Variants in TLN1 observed in about 807,000 individuals in gnomAD.
The protein encoded by TLN1 is talin 1, also known as talin-1.
TLN1 carries 56 observed loss-of-function variants against 292.3 expected under a neutral mutation model. The ratio of observed to expected loss-of-function variants is 0.19; its 90% CI spans 0.15 to 0.24. The LOEUF is 0.24. Ranked by LOEUF, TLN1 falls within the 10% of genes least tolerant of loss-of-function variation. TLN1 has a pLI of 1.00. For synonymous variants in TLN1, 1,119 were observed against 1,253.7 expected (o/e 0.89, Z 2.27); for missense variants, 2,433 against 3,248.2 (o/e 0.75, Z 6.10).
rs1563945516 is a variant in TLN1 at position 35,719,310 on chromosome 9, TGA to T, written c.1688-30_1688-29del. ...AAGGGGAAAAGGAGAAAGAGGAACATGAGAGACAGGGCAGGCCAGACGAAGGG... is the reference window on the plus strand; with the variant it reads ...AAGGGGAAAAGGAGAAAGAGGAACATGAGACAGGGCAGGCCAGACGAAGGG... On this transcript the variant is annotated intron_variant, in intron 15 of 56. Coordinates refer to ENST00000314888, the MANE Select transcript of TLN1 (RefSeq NM_006289.4). The surrounding 1 kb of genome is among the most constrained non-coding windows in gnomAD (Gnocchi z 4.6). The T allele has an allele frequency of 1.2e-6, 2 of 1,602,350 alleles. No individual in the cohort carries two copies. Among genetic ancestry groups the T allele is most frequent in the Non-Finnish European group, 8.5e-7 (1 of 1,172,020 alleles).
chr9:35,720,791 G>C lies in TLN1; in HGVS notation c.1206+21C>G, dbSNP rs757867773. 1.9e-6 allele frequency: 3 copies of C among 1,607,806 alleles called. No individual in the cohort carries two copies. In the East Asian group the frequency reaches 6.7e-5, roughly 36 times the overall value. ...GAGGGCAAGAGGCGATAAGGAGAAG[G>C]CTAGGGCAGGCAGTGCTCACCTTCT... On this transcript the variant is annotated intron_variant, in intron 11 of 56. Transcript: ENST00000314888.
chr9:35,708,386 C>T lies in TLN1; in HGVS notation c.4425G>A (p.Gln1475=), dbSNP rs1299608524. 4 of 1,611,200 alleles carry T rather than the reference C, an allele frequency of 2.5e-6. No homozygotes were observed. Among genetic ancestry groups the T allele is most frequent in the Non-Finnish European group, 3.4e-6 (4 of 1,178,510 alleles). ...GCTCTCCCAAACTCTGGCAGGCCAT[C>T]TGAATTGCCTGGTTTGCACGGGCAA... ...TQFARANQAI[Q]MACQSLGEPG... Residue 1475 remains glutamine, a synonymous_variant, in exon 34 of 57, where the codon CAG becomes CAA. Transcript: ENST00000314888.
intron 10 of TLN1, 53 bp downstream of exon 10, chr9:35,721,595 G>T (rs952664885): frequency 6.3e-7 from 1 of 1,582,972 alleles, no homozygotes; most frequent in African/African-American, 1.3e-5. Context: ...CTCTGCAGCT[G>T]CCCCTTTAAT....
intron 33 of TLN1, 75 bp downstream of exon 33, chr9:35,710,486 C>A (rs1825647985): frequency 1.3e-6 from 2 of 1,550,018 alleles, no homozygotes; most frequent in African/African-American, 2.7e-5. Context: ...GATTTATCTA[C>A]AGGTATGTCA....
Position 35,711,378 on chromosome 9 carries a change from G to A in TLN1, c.3896C>T (p.Ala1299Val), listed in dbSNP as rs1479414054. 1.2e-6 allele frequency: 2 copies of A among 1,614,082 alleles called. No individual in the cohort carries two copies. The highest frequency in any genetic ancestry group is 1.7e-5 in the Admixed American group (1 of 60,004). ...GCCCTTCAAGTTGGACACAACTTGGGCTCGGTCCTCCTGGCTCTGTTGAAG... is the reference window on the plus strand; with the variant it reads ...GCCCTTCAAGTTGGACACAACTTGGACTCGGTCCTCCTGGCTCTGTTGAAG... ...AGQAPSQEDR[A>V]QVVSNLKGIS... The change falls in exon 30 of 57, where the codon GCC becomes GTC. Residue 1299 changes from alanine to valine, a missense_variant. Around this residue, in one of 7 missense-constraint regions of TLN1, gnomAD observed 1,384 missense variants for 1,699.6 expected, o/e 0.81. Coordinates refer to ENST00000314888, the MANE Select transcript of TLN1 (RefSeq NM_006289.4).
At position 35,711,727 on chromosome 9, in the gene TLN1, C is replaced by G. The variant is rs2131892919; in HGVS notation, c.3747G>C (p.Leu1249=). The G allele has an allele frequency of 1.2e-6, 2 of 1,614,154 alleles. No individual in the cohort carries two copies. The highest frequency in any genetic ancestry group is 1.7e-6 in the Non-Finnish European group (2 of 1,180,036). ...QSRLNEAAAG[L]NQAATELVQA... is the part of the protein sequence containing the mutation. ...GCACCAGTTCTGTGGCTGCCTGATTCAGCCCAGCAGCAGCTTCATTCAACC... is the reference window on the plus strand; with the variant it reads ...GCACCAGTTCTGTGGCTGCCTGATTGAGCCCAGCAGCAGCTTCATTCAACC... The change falls in exon 29 of 57, where the codon CTG becomes CTC. Residue 1249 remains leucine (L), a synonymous_variant. Coordinates refer to ENST00000314888, the MANE Select transcript of TLN1 (RefSeq NM_006289.4).
chr9:35,725,378 C>T, intron 2 of TLN1, 57 bp from the exon 3 acceptor site: 5 of 1,579,370 alleles, frequency 3.2e-6, no homozygotes, highest in Middle Eastern at 1.7e-4. Flanking sequence ...GGCTGAACAG[C>T]TTGTACCATG....
At chr9:35,712,721 C>G (rs1825697246) in intron 27 of TLN1, 114 bp downstream of exon 27, 1 of 878,378 alleles carries the variant, frequency 1.1e-6, no homozygotes, top group African/African-American at 1.7e-5. Context: ...AGAGCAGACC[C>G]AAGAAGACAT....
intron 43 of TLN1, among the ~76,000 whole-genome samples, chr9:35,705,055 A>G (rs1825541272): frequency 6.6e-6 from 1 of 152,202 alleles, no homozygotes. Context: ...TGTTAAGCAC[A>G]GTGGGGAGAA....
chr9:35,710,154 C>T (rs540985889), intron 33 of TLN1, among the ~76,000 whole-genome samples: 5 of 135,358 alleles, frequency 3.7e-5, no homozygotes, highest in South Asian at 2.4e-4. Context: ...ACCCGGGAGG[C>T]GGAGCTTGCA....
Position 35,706,651 on chromosome 9 carries a change from C to T in TLN1, c.5089-100G>A, listed in dbSNP as rs1825570476. 2.5e-6 allele frequency: 4 copies of T among 1,581,586 alleles called. No individual in the cohort carries two copies. The highest frequency in any genetic ancestry group is 3.4e-4 in the Middle Eastern group (2 of 5,946). ...GTCCATACCAAATACCCTAACCCTC[C>T]TTCGCACATCCCAGCCTTTGATGTC... On this transcript the variant is annotated intron_variant, in intron 38 of 56. Coordinates refer to ENST00000314888, the MANE Select transcript of TLN1 (RefSeq NM_006289.4). The surrounding 1 kb of genome is among the most constrained non-coding windows in gnomAD (Gnocchi z 4.2).
chr9:35,701,071 G>A (rs1041201116), intron 48 of TLN1, among the ~76,000 whole-genome samples: 1 of 152,192 alleles, frequency 6.6e-6, no homozygotes, highest in Non-Finnish European at 1.5e-5. Context: ...TCTCTGAGGA[G>A]GTGACATTGA....
intron 7 of TLN1, chr9:35,723,568 G>A (rs1825915922): frequency 4.3e-6 from 1 of 233,012 alleles, no homozygotes; most frequent in South Asian, 4.9e-5. Flanking sequence ...TTAGGAAGCT[G>A]AGAAAGCCAC....
intron 8 of TLN1, 101 bp from the exon 9 acceptor site, chr9:35,722,324 T>C (rs1406103297): frequency 9.6e-7 from 1 of 1,043,330 alleles, no homozygotes; most frequent in Non-Finnish European, 1.5e-6. Context: ...ATGGGGACAC[T>C]GGAAAGGTTG....
rs1334806254 is a variant in TLN1, at chr9:35,707,525, C to T, written c.4633-37G>A. 6.2e-7 allele frequency: 1 copy of T among 1,610,652 alleles called. No individual in the cohort carries two copies. The highest frequency in any genetic ancestry group is 8.5e-7 in the Non-Finnish European group (1 of 1,177,876). ...AGAGAGGCTCTCAGGACTTGGGATG[C>T]AGTCATAGGGGGTATAGGAAGTGAA... On this transcript the variant is annotated intron_variant, in intron 35 of 56. Transcript: ENST00000314888. The surrounding 1 kb of genome is among the most constrained non-coding windows in gnomAD (Gnocchi z 5.6).
Position 35,725,134 on chromosome 9 carries a change from G to A in TLN1, c.228+90C>T. Reference sequence around the variant, plus strand: ...GAAGAAAGCATGGGGAGGGCTAAGAGACAACAGATGTGGGTGCTGAAAACA... The same window carrying A: ...GAAGAAAGCATGGGGAGGGCTAAGAAACAACAGATGTGGGTGCTGAAAACA... On this transcript the variant is annotated intron_variant, in intron 3 of 56. Transcript: ENST00000314888. The A allele has an allele frequency of 5.8e-6, 9 of 1,541,248 alleles. 1 individual carries two copies. Among genetic ancestry groups the A allele is most frequent in the Middle Eastern group, 1.8e-4 (1 of 5,482 alleles).
chr9:35,712,195 T>C lies in TLN1; in HGVS notation c.3562-71A>G, dbSNP rs2131893644. The C allele has an allele frequency of 2.3e-5, 36 of 1,535,336 alleles. 1 individual carries two copies. The South Asian group carries it at 3.3e-4, about 14-fold the overall frequency. ...AGAGATCGCCTCCATTCACGCGACA[T>C]GGGAGATGACTAGCTCTACTGCCTC... On this transcript the variant is annotated intron_variant, in intron 27 of 56. Transcript: ENST00000314888.
In TLN1 at chr9:35,711,263, T is replaced by C; in HGVS notation, c.4011A>G (p.Ala1337=). 1 of 1,614,128 alleles carries C rather than the reference T, an allele frequency of 6.2e-7. No individual in the cohort carries two copies. The highest frequency in any genetic ancestry group is 8.5e-7 in the Non-Finnish European group (1 of 1,180,038). Residue 1337 remains alanine, a synonymous_variant, in exon 30 of 57, where the codon GCA becomes GCG. Coordinates refer to ENST00000314888, the MANE Select transcript of TLN1 (RefSeq NM_006289.4). ...AAPNLKSQLA[A]AARAVTDSIN... is the part of the protein sequence containing the mutation. ...TCTCAGCAACTACTTACCTGGCAGC[T>C]GCAGCCAGCTGACTCTTGAGGTTAG...
At chr9:35,713,173 T>G (rs763833014) in intron 26 of TLN1, 23 bp downstream of exon 26, 1 of 1,586,812 alleles carries the variant, frequency 6.3e-7, no homozygotes, top group Non-Finnish European at 8.6e-7. Flanking sequence ...ATATGCCCCA[T>G]GCCTGGCTCT....
Sources: gnomAD v4.1 joint callset for allele counts (sites outside exome capture counted in the v4.1 genomes callset) on GRCh38, gnomAD v4.1.1 for gene constraint, gnomAD v4.1.1 regional missense constraint, Gnocchi (gnomAD v3.1) non-coding constraint, MANE v1.5 for transcripts, NCBI Gene and HGNC (gene_info 2026-07-23, HGNC 2026-07-21) for gene names.